Variants in KCNU1 observed in about 807,000 individuals in gnomAD.
KCNU1 encodes potassium calcium-activated channel subfamily U member 1, also known as potassium channel subfamily U member 1.
In KCNU1, 93 loss-of-function variants were observed where a neutral mutation model predicts 126.8. The ratio of observed to expected loss-of-function variants is 0.73; its 90% CI spans 0.62 to 0.87. The LOEUF is 0.87. KCNU1 is among the 40% of genes least tolerant of loss of function. The probability of loss-of-function intolerance (pLI) is 0.00; values close to 1 mark genes in which losing one functional copy is unlikely to be tolerated. For missense variants in KCNU1, 1,330 were observed against 1,367.1 expected (o/e 0.97, Z 0.43); for synonymous variants, 523 against 494.2 (o/e 1.06, Z -0.77).
intron 24 of KCNU1, 139 bp downstream of exon 24, chr8:36,922,768 C>A (rs543140489): frequency 3.3e-6 from 3 of 899,818 alleles, no homozygotes; most frequent in African/African-American, 3.4e-5. Context: ...TGTTCCCATA[C>A]ATTAATTTAT....
intron 10 of KCNU1, among the ~76,000 whole-genome samples, chr8:36,826,685 T>G (rs1804337002): frequency 6.6e-6 from 1 of 152,186 alleles, no homozygotes; most frequent in Non-Finnish European, 1.5e-5. Context: ...ATTATATTAT[T>G]CAGTTCTAGA....
At position 36,864,462 on chromosome 8, in the gene KCNU1, G is replaced by A. The variant is rs778430221; in HGVS notation, c.1950G>A (p.Gly650=). Residue 650 remains glycine, a synonymous_variant, in exon 19 of 27, where the codon GGG becomes GGA. Transcript: ENST00000399881. Reference sequence around the variant, plus strand: ...AGGGAATCTCCTCTCGTATATCAGGGCAGGATTCTCCGCCAAGGGTATCTG... The same window carrying A: ...AGGGAATCTCCTCTCGTATATCAGGACAGGATTCTCCGCCAAGGGTATCTG... ...CLKGISSRIS[G]QDSPPRVSAS... The A allele has an allele frequency of 6.2e-7, 1 of 1,613,236 alleles. No homozygotes were observed. The highest frequency in any genetic ancestry group is 8.5e-7 in the Non-Finnish European group (1 of 1,179,334).
chr8:36,853,548 A>C (rs547543186), intron 18 of KCNU1, among the ~76,000 whole-genome samples: 1 of 152,062 alleles, frequency 6.6e-6, no homozygotes, highest in Non-Finnish European at 1.5e-5. Flanking sequence ...TTACTTTCAC[A>C]TATTTGTGAA....
At chr8:36,887,756 C>A (rs959893276) in intron 19 of KCNU1, among the ~76,000 whole-genome samples, 3 of 152,090 alleles carry the variant, frequency 2.0e-5, no homozygotes, top group Non-Finnish European at 4.4e-5. Context: ...GCTAGAGAAA[C>A]AAACAAAAAG....
Position 36,805,238 on chromosome 8 carries a change from A to G in KCNU1, c.421A>G (p.Ile141Val). 6.2e-7 allele frequency: 1 copy of G among 1,610,550 alleles called. No homozygotes were observed. The highest frequency in any genetic ancestry group is 8.5e-7 in the Non-Finnish European group (1 of 1,178,038). Residue 141 changes from isoleucine to valine, a missense_variant, in exon 4 of 27, where the codon ATT becomes GTT. Physicochemically the swap from Ile to Val is conservative, Grantham distance 29 (BLOSUM62 3). This residue lies in a region of KCNU1 where 247 missense variants were observed against 255.4 expected (regional missense o/e 0.97). Coordinates refer to ENST00000399881, the MANE Select transcript of KCNU1 (RefSeq NM_001031836.3). The stretch of plus-strand genomic sequence containing the variant: ...ATCATATGAAGACAAAACCATTCCT[A>G]TTGATTTGGTTTTCAATGCTTTCTT... ...CSSYEDKTIP[I>V]DLVFNAFFSF...
chr8:36,870,885 C>CT (rs542310552), intron 19 of KCNU1, among the ~76,000 whole-genome samples: 121 of 152,242 alleles, frequency 7.9e-4, no homozygotes, highest in Non-Finnish European at 1.5e-3. Flanking sequence ...AGTATTTCAT[C>CT]TTTCAGAGTT....
chr8:36,927,510 A>T (rs1413257281), intron 24 of KCNU1, among the ~76,000 whole-genome samples: 3 of 152,172 alleles, frequency 2.0e-5, no homozygotes. Context: ...ACTTCTAAGG[A>T]AATTCAAGCC....
At chr8:36,877,149 G>A (rs936113098) in intron 19 of KCNU1, among the ~76,000 whole-genome samples, 3 of 152,150 alleles carry the variant, frequency 2.0e-5, no homozygotes, top group African/African-American at 7.2e-5. Context: ...CCCAGCAGGG[G>A]CTGCAGATTC....
At chr8:36,821,370 T>C (rs1278105935) in intron 10 of KCNU1, among the ~76,000 whole-genome samples, 3 of 152,204 alleles carry the variant, frequency 2.0e-5, no homozygotes, top group African/African-American at 7.2e-5. Flanking sequence ...CCACTTTTGA[T>C]GGGGCTTGCC....
intron 19 of KCNU1, among the ~76,000 whole-genome samples, chr8:36,878,951 A>G (rs1321666224): frequency 6.8e-6 from 1 of 147,662 alleles, no homozygotes; most frequent in South Asian, 2.1e-4. Flanking sequence ...AATTTTATAT[A>G]TAGGAAAATT....
intron 2 of KCNU1, among the ~76,000 whole-genome samples, chr8:36,801,942 C>T (rs1478469356): frequency 6.6e-6 from 1 of 151,776 alleles, no homozygotes; most frequent in Non-Finnish European, 1.5e-5. Flanking sequence ...AATCCCGTCT[C>T]TACTAAAAAT....
intron 18 of KCNU1, among the ~76,000 whole-genome samples, chr8:36,859,841 G>T (rs1219761363): frequency 6.6e-6 from 1 of 152,110 alleles, no homozygotes; most frequent in Non-Finnish European, 1.5e-5. Context: ...GCATATCTCA[G>T]AAGGTTAAAT....
chr8:36,884,331 C>T (rs921778740), intron 19 of KCNU1, among the ~76,000 whole-genome samples: 5 of 152,300 alleles, frequency 3.3e-5, no homozygotes, highest in African/African-American at 1.2e-4. Flanking sequence ...GACAATTACA[C>T]ATATGTCATA....
intron 7 of KCNU1, among the ~76,000 whole-genome samples, chr8:36,809,411 C>T (rs1477626566): frequency 5.3e-5 from 8 of 152,106 alleles, no homozygotes; most frequent in Admixed American, 5.2e-4. Context: ...GTTAAAAGCC[C>T]GCAAAAGCCT....
intron 18 of KCNU1, among the ~76,000 whole-genome samples, chr8:36,858,655 T>C (rs1004241255): frequency 2.6e-5 from 4 of 152,140 alleles, no homozygotes; most frequent in African/African-American, 9.7e-5. Context: ...AGATAAATAA[T>C]CATCCCTTTT....
At chr8:36,935,295 C>T (rs935940884) in intron 26 of KCNU1, among the ~76,000 whole-genome samples, 3 of 152,218 alleles carry the variant, frequency 2.0e-5, no homozygotes, top group Non-Finnish European at 2.9e-5. Context: ...GGATGAAAGC[C>T]AGCCCCCTCA....
intron 10 of KCNU1, among the ~76,000 whole-genome samples, chr8:36,822,973 C>T (rs1428396770): frequency 6.6e-6 from 1 of 152,120 alleles, no homozygotes; most frequent in African/African-American, 2.4e-5. Context: ...AATCAGTTCT[C>T]AGATGAGAAG....
intron 2 of KCNU1, among the ~76,000 whole-genome samples, chr8:36,788,393 A>G (rs748697077): frequency 7.2e-5 from 11 of 152,350 alleles, no homozygotes; most frequent in Middle Eastern, 3.4e-3. Flanking sequence ...CAGATGCCCT[A>G]TAAATGAAGA....
chr8:36,830,529 T>C (rs16885471), intron 10 of KCNU1, among the ~76,000 whole-genome samples: 2,742 of 152,154 alleles, frequency 0.018, 80 homozygotes, highest in African/African-American at 0.062. Flanking sequence ...ATTTTGTCTT[T>C]TTTAGTATTG....
Sources: allele counts gnomAD v4.1 joint callset (sites outside exome capture counted in the v4.1 genomes callset), GRCh38; gene constraint gnomAD v4.1.1; regional missense constraint gnomAD v4.1.1; transcripts MANE v1.5; gene names NCBI Gene and HGNC (gene_info 2026-07-23, HGNC 2026-07-21).